Variants in NDST4 observed in about 807,000 individuals in gnomAD.
NDST4 encodes the protein N-deacetylase and N-sulfotransferase 4.
NDST4 carries 63 observed loss-of-function variants against 100.8 expected under a neutral mutation model. The observed-to-expected ratio is 0.62, with a 90% CI of 0.51 to 0.77. The LOEUF is 0.77. Ranked by LOEUF, NDST4 falls within the 30% of genes least tolerant of loss-of-function variation. The pLI is 0.00. For missense variants in NDST4, 943 were observed against 1,018.4 expected (o/e 0.93, Z 1.01); for synonymous variants, 377 against 361.8 (o/e 1.04, Z -0.48).
At chr4:114,961,793 A>G (rs954308217) in intron 4 of NDST4, among the ~76,000 whole-genome samples, 21 of 152,094 alleles carry the variant, frequency 1.4e-4, no homozygotes, top group African/African-American at 4.8e-4. Context: ...TCTTCCCTTT[A>G]TACATAAAAA....
chr4:114,950,743 C>T (rs1195995106), intron 4 of NDST4, among the ~76,000 whole-genome samples: 2 of 152,058 alleles, frequency 1.3e-5, no homozygotes, highest in African/African-American at 2.4e-5. Context: ...CTGCTTTCTG[C>T]CTCATTCCCA....
At chr4:114,835,719 T>G (rs4361407) in intron 11 of NDST4, among the ~76,000 whole-genome samples, 16,557 of 152,230 alleles carry the variant, frequency 0.11, 947 homozygotes, top group Middle Eastern at 0.15. Flanking sequence ...GGTGTTAAAG[T>G]TTCCCACCAT....
Position 114,852,710 on chromosome 4 carries a change from AT to A in NDST4, c.1816+14del. The A allele has an allele frequency of 7.0e-7, 1 of 1,434,976 alleles. No homozygotes were observed. The highest frequency in any genetic ancestry group is 9.8e-7 in the Non-Finnish European group (1 of 1,019,742). The allele number at this position is 1,434,976 out of a possible 1,614,324, so 88.9% of individuals were successfully genotyped here. A position where few individuals can be genotyped will look rare whatever the true frequency, so the allele number is the denominator to read the frequency against. On this transcript the variant is annotated intron_variant, in intron 8 of 13. Transcript: ENST00000264363. ...TTTTAAAAAGGATATAAGTAGCACA[AT>A]TGGCTATTTTTACCTGTTTTTTGTG...
intron 6 of NDST4, among the ~76,000 whole-genome samples, chr4:114,879,719 T>G (rs1724327090): frequency 6.6e-6 from 1 of 152,188 alleles, no homozygotes; most frequent in Non-Finnish European, 1.5e-5. Flanking sequence ...TAACATACAC[T>G]TCTTTGCCAG....
At chr4:114,921,436 A>G (rs1011580933) in intron 6 of NDST4, among the ~76,000 whole-genome samples, 2 of 152,198 alleles carry the variant, frequency 1.3e-5, no homozygotes, top group South Asian at 4.1e-4. Flanking sequence ...AGCAGCAAGA[A>G]ACAACCAAGC....
intron 2 of NDST4, among the ~76,000 whole-genome samples, chr4:115,021,906 C>CAT (rs1466944150): frequency 6.8e-6 from 1 of 146,984 alleles, no homozygotes; most frequent in African/African-American, 2.7e-5. Flanking sequence ...ATACACATTC[C>CAT]ATATATATAT....
chr4:114,962,986 T>C (rs1486175439), intron 4 of NDST4, among the ~76,000 whole-genome samples: 1 of 152,140 alleles, frequency 6.6e-6, no homozygotes, highest in Non-Finnish European at 1.5e-5. Context: ...GCTCACACTT[T>C]GGAAACAGCA....
chr4:114,839,273 A>C, intron 11 of NDST4, 105 bp downstream of exon 11: 1 of 1,079,544 alleles, frequency 9.3e-7, no homozygotes, highest in South Asian at 1.9e-5. Flanking sequence ...AGTGCAATAC[A>C]ATCATGATAA....
chr4:114,945,356 A>T (rs1164033127), intron 4 of NDST4, among the ~76,000 whole-genome samples: 1 of 152,130 alleles, frequency 6.6e-6, no homozygotes, highest in Non-Finnish European at 1.5e-5. Flanking sequence ...GAGGGGTAAG[A>T]ACCAGCAAAT....
At chr4:114,929,782 A>G (rs1311894176) in intron 6 of NDST4, among the ~76,000 whole-genome samples, 1 of 152,198 alleles carries the variant, frequency 6.6e-6, no homozygotes, top group African/African-American at 2.4e-5. Context: ...TTAAGTTTAA[A>G]TCTCCAAATT....
chr4:115,013,078 G>C (rs765234740), intron 2 of NDST4, among the ~76,000 whole-genome samples: 1 of 150,908 alleles, frequency 6.6e-6, no homozygotes, highest in Non-Finnish European at 1.5e-5. Context: ...GGTGGGGGTA[G>C]GGGGAAAGTG....
chr4:115,081,099 T>TAAAA (rs34184149), intron 1 of NDST4, among the ~76,000 whole-genome samples: 2 of 148,862 alleles, frequency 1.3e-5, no homozygotes, highest in African/African-American at 2.5e-5. Context: ...AAAAATAAAT[T>TAAAA]AAAAAAAAAA....
At chr4:114,881,746 T>A (rs767979700) in intron 6 of NDST4, among the ~76,000 whole-genome samples, 30 of 152,210 alleles carry the variant, frequency 2.0e-4, no homozygotes, top group Non-Finnish European at 4.0e-4. Flanking sequence ...TTTGTAATGA[T>A]TGGAAGATAG....
Position 115,077,117 on chromosome 4 carries a change from A to T in NDST4, c.-81T>A, listed in dbSNP as rs1021861473. On this transcript the variant is annotated 5_prime_UTR_variant, in exon 2 of 14. The change creates a new upstream start codon in the 5' untranslated region. Coordinates refer to ENST00000264363, the MANE Select transcript of NDST4 (RefSeq NM_022569.3). ...AGTGAATAAAGTATGAGATGTTGCA[A>T]ATATCACTTCCCCAGAGTTCATGTA... 1 of 1,276,752 alleles carries T rather than the reference A, an allele frequency of 7.8e-7. No homozygotes were observed. The highest frequency in any genetic ancestry group is 1.5e-5 in the African/African-American group (1 of 66,466). 79.1% of individuals were successfully genotyped at this position (1,276,752 alleles called of 1,614,324 possible).
chr4:114,833,367 G>A (rs1311688080), intron 12 of NDST4, among the ~76,000 whole-genome samples: 1 of 151,936 alleles, frequency 6.6e-6, no homozygotes. Context: ...ACTGATAACA[G>A]GGAAAACTCA....
Position 114,984,024 on chromosome 4 carries a change from T to C in NDST4, c.979-6750A>G, listed in dbSNP as rs116416629. Among the ~76,000 whole-genome samples the C allele has an allele frequency of 7.6e-3, 1,151 of 152,296 alleles. 10 individuals are homozygous for C. The highest frequency in any genetic ancestry group is 0.024 in the African/African-American group (1,011 of 41,568). The stretch of plus-strand genomic sequence containing the variant: ...CTTGCTTCCCCTTTGCTTTCCACCA[T>C]GATTTTAAGTTTCATGAGGTCTTCC... On this transcript the variant is annotated intron_variant, in intron 2 of 13. Coordinates refer to ENST00000264363, the MANE Select transcript of NDST4 (RefSeq NM_022569.3).
chr4:115,037,298 C>T (rs1160059431), intron 2 of NDST4, among the ~76,000 whole-genome samples: 1 of 152,038 alleles, frequency 6.6e-6, no homozygotes, highest in Non-Finnish European at 1.5e-5. Flanking sequence ...AAATGTACCA[C>T]TTGGGAAGAG....
chr4:115,076,026 A>G (rs1291678766), intron 2 of NDST4, 33 bp downstream of exon 2: 1 of 1,561,336 alleles, frequency 6.4e-7, no homozygotes, highest in Non-Finnish European at 8.6e-7. Context: ...ATTGTGAAAT[A>G]CAAATTTCGA....
At position 115,076,525 on chromosome 4, in the gene NDST4, C is replaced by CT; in HGVS notation, c.511dup (p.Ser171LysfsTer17). The CT allele has an allele frequency of 6.2e-7, 1 of 1,613,998 alleles. No individual in the cohort carries two copies. The highest frequency in any genetic ancestry group is 1.1e-5 in the South Asian group (1 of 91,082). ...GCCTTTTAATTGTGTACTTGGTAAG[C>CT]TGTTCTCATTGGCTTTATGAAAACC... On this transcript the variant is annotated frameshift_variant, in exon 2 of 14. Transcript: ENST00000264363. LOFTEE classifies it high-confidence loss of function.
Sources: gnomAD v4.1 joint callset for allele counts (sites outside exome capture counted in the v4.1 genomes callset) on GRCh38, gnomAD v4.1.1 for gene constraint, MANE v1.5 for transcripts, NCBI Gene and HGNC (gene_info 2026-07-23, HGNC 2026-07-21) for gene names.